The following KSR1 variants were observed in gnomAD, a reference collection of about 807,000 sequenced individuals.
The protein encoded by KSR1 is kinase suppressor of ras 1, also known as kinase suppressor of ras.
Under a neutral mutation model 92.9 loss-of-function variants are expected in KSR1, and 35 were observed. The ratio of observed to expected loss-of-function variants is 0.38; its 90% CI spans 0.29 to 0.50. The LOEUF is 0.50. Ranked by LOEUF, KSR1 falls within the 20% of genes least tolerant of loss-of-function variation. The pLI is 0.94. For synonymous variants in KSR1, 467 were observed against 472.6 expected (o/e 0.99, Z 0.15); for missense variants, 972 against 1,158.5 (o/e 0.84, Z 2.34).
intron 1 of KSR1, among the ~76,000 whole-genome samples, chr17:27,498,874 T>G (rs775994876): frequency 2.6e-5 from 4 of 151,990 alleles, no homozygotes; most frequent in Non-Finnish European, 5.9e-5. Flanking sequence ...AACGAACATG[T>G]GGGAATGCTT....
chr17:27,480,038 C>T (rs1475713349), intron 1 of KSR1, among the ~76,000 whole-genome samples: 1 of 152,172 alleles, frequency 6.6e-6, no homozygotes, highest in East Asian at 1.9e-4. Flanking sequence ...TTTTAAAATG[C>T]AAGTCAGCTC....
At chr17:27,485,714 T>C (rs913662156) in intron 1 of KSR1, among the ~76,000 whole-genome samples, 1 of 152,152 alleles carries the variant, frequency 6.6e-6, no homozygotes, top group Non-Finnish European at 1.5e-5. Context: ...GTGTCATCAA[T>C]AGGGCTTGTG....
chr17:27,477,340 C>A (rs940181345), intron 1 of KSR1, among the ~76,000 whole-genome samples: 2 of 152,172 alleles, frequency 1.3e-5, no homozygotes, highest in Non-Finnish European at 2.9e-5. Flanking sequence ...CTGTTTAAGA[C>A]GGAGTTGCTC....
intron 1 of KSR1, among the ~76,000 whole-genome samples, chr17:27,514,421 G>T (rs1327315651): frequency 6.6e-6 from 1 of 152,150 alleles, no homozygotes; most frequent in African/African-American, 2.4e-5. Context: ...CACTTTGAGG[G>T]GCTGAGATAG....
Position 27,605,656 on chromosome 17 carries a change from G to A in KSR1, c.1837G>A (p.Glu613Lys), listed in dbSNP as rs1245702149. 4 of 1,612,160 alleles carry A rather than the reference G, an allele frequency of 2.5e-6. No individual in the cohort carries two copies. The highest frequency in any genetic ancestry group is 1.7e-5 in the Admixed American group (1 of 59,928). The change falls in exon 14 of 21, where the codon GAG (glutamate) becomes AAG (lysine). Residue 613 changes from glutamate (E) to lysine (K), a missense_variant. Around this residue, in one of 5 missense-constraint regions of KSR1, gnomAD observed 260 missense variants for 375.2 expected, o/e 0.69. Coordinates refer to ENST00000644974, the MANE Select transcript of KSR1 (RefSeq NM_001394583.1). ...GRVHRGRWHG[E>K]VAIRLLEMDG... ...GGTGCACCGCGGCCGCTGGCATGGC[G>A]AGGTGGCCATTCGCCTGCTGGAGAT...
At chr17:27,510,386 A>G (rs751600259) in intron 1 of KSR1, among the ~76,000 whole-genome samples, 4 of 152,070 alleles carry the variant, frequency 2.6e-5, no homozygotes, top group Non-Finnish European at 5.9e-5. Context: ...AAACTTATTC[A>G]CTGAAGAGTT....
At chr17:27,507,381 C>A (rs1052559280) in intron 1 of KSR1, among the ~76,000 whole-genome samples, 2 of 151,648 alleles carry the variant, frequency 1.3e-5, no homozygotes, top group Non-Finnish European at 2.9e-5. Flanking sequence ...TGCAGTGAGC[C>A]AAGATCATGC....
At chr17:27,588,356 C>T (rs1220559267) in intron 5 of KSR1, 119 bp from the exon 6 acceptor site, 2 of 778,300 alleles carry the variant, frequency 2.6e-6, no homozygotes, top group African/African-American at 3.5e-5. Context: ...CAGGGAGATG[C>T]TTATATAATA....
intron 2 of KSR1, chr17:27,558,268 C>CTTTTTT (rs35172937): frequency 1.7e-4 from 24 of 142,050 alleles, no homozygotes; most frequent in Non-Finnish European, 1.1e-4. Context: ...CCTTCTCTCT[C>CTTTTTT]TTTTTTTTTT....
At chr17:27,485,303 G>A (rs1258496198) in intron 1 of KSR1, among the ~76,000 whole-genome samples, 1 of 152,226 alleles carries the variant, frequency 6.6e-6, no homozygotes, top group Non-Finnish European at 1.5e-5. Context: ...GCAGGGTGAT[G>A]GGTGGATGCT....
intron 1 of KSR1, among the ~76,000 whole-genome samples, chr17:27,465,717 A>G (rs1466806906): frequency 6.6e-6 from 1 of 152,208 alleles, no homozygotes; most frequent in Non-Finnish European, 1.5e-5. Flanking sequence ...ATGATGTGGT[A>G]AGCTACTTTA....
intron 2 of KSR1, among the ~76,000 whole-genome samples, chr17:27,554,478 A>G (rs1001576259): frequency 1.3e-5 from 2 of 152,220 alleles, no homozygotes; most frequent in African/African-American, 4.8e-5. Flanking sequence ...CAGCAGCAGC[A>G]TTAGATTCTC....
At chr17:27,485,870 A>C (rs9902002) in intron 1 of KSR1, among the ~76,000 whole-genome samples, 79 of 152,212 alleles carry the variant, frequency 5.2e-4, no homozygotes, top group African/African-American at 1.9e-3. Flanking sequence ...CATCTCTCCC[A>C]CCCAGGGCTG....
intron 1 of KSR1, among the ~76,000 whole-genome samples, chr17:27,515,734 A>G (rs150113017): frequency 6.7e-6 from 1 of 148,576 alleles, no homozygotes; most frequent in East Asian, 2.0e-4. Flanking sequence ...ACTATAATCT[A>G]TGGATGGGAG....
chr17:27,510,483 A>G (rs1161900348), intron 1 of KSR1, among the ~76,000 whole-genome samples: 1 of 152,202 alleles, frequency 6.6e-6, no homozygotes, highest in Non-Finnish European at 1.5e-5. Flanking sequence ...GTGTAGTTTA[A>G]TGGATGGTTT....
At chr17:27,462,540 G>A (rs914431175) in intron 1 of KSR1, among the ~76,000 whole-genome samples, 5 of 152,214 alleles carry the variant, frequency 3.3e-5, no homozygotes, top group Admixed American at 2.6e-4. Flanking sequence ...GCACCATGAT[G>A]CAGCCCGCTC....
intron 20 of KSR1, chr17:27,621,867 G>C: frequency 6.3e-7 from 1 of 1,578,654 alleles, no homozygotes; most frequent in Admixed American, 1.7e-5. Flanking sequence ...GCTCCCGACA[G>C]GCTCTGCATT....
rs141841647 is a variant in KSR1, at chr17:27,607,307, G to T, written c.1995-607G>T. On this transcript the variant is annotated intron_variant, in intron 14 of 20. Coordinates refer to ENST00000644974, the MANE Select transcript of KSR1 (RefSeq NM_001394583.1). ...AAAAACATAGTCCCTTCCTAAGATAGCTCCCTTGGACCCACATTCTCTCTG... is the reference window on the plus strand; with the variant it reads ...AAAAACATAGTCCCTTCCTAAGATATCTCCCTTGGACCCACATTCTCTCTG... Among the ~76,000 whole-genome samples the T allele has an allele frequency of 2.3e-3, 347 of 152,138 alleles. 3 individuals carry two copies. The highest frequency in any genetic ancestry group is 7.8e-3 in the Admixed American group (119 of 15,288).
intron 1 of KSR1, among the ~76,000 whole-genome samples, chr17:27,544,477 G>C (rs1469354710): frequency 6.6e-6 from 1 of 152,250 alleles, no homozygotes; most frequent in East Asian, 1.9e-4. Flanking sequence ...TACTTAGTGA[G>C]CGCCTGCTGT....
Sources: allele counts gnomAD v4.1 joint callset (sites outside exome capture counted in the v4.1 genomes callset), GRCh38; gene constraint gnomAD v4.1.1; regional missense constraint gnomAD v4.1.1; transcripts MANE v1.5; gene names NCBI Gene and HGNC (gene_info 2026-07-23, HGNC 2026-07-21).